The following CNTLN variants were observed in gnomAD, a reference collection of about 807,000 sequenced individuals.
CNTLN encodes the protein centlein, centrosomal protein.
Under a neutral mutation model 180.0 loss-of-function variants are expected in CNTLN, and 212 were observed. That is an observed-to-expected ratio of 1.18 (90% CI 1.05 to 1.32). CNTLN has a LOEUF of 1.32. CNTLN is among the 40% of genes most tolerant of loss of function. CNTLN has a pLI of 0.00. For missense variants in CNTLN, 2,095 were observed against 1,610.9 expected, an observed-to-expected ratio of 1.30 and a Z score of -5.14; for synonymous variants, 722 against 563.1, an observed-to-expected ratio of 1.28 and a Z score of -3.99.
rs1404146002 is a variant in CNTLN at position 17,464,582 on chromosome 9, A to C, written c.3490A>C (p.Asn1164His). Residue 1164 changes from asparagine (N) to histidine (H), a missense_variant, in exon 21 of 26, where the codon AAC (asparagine) becomes CAC (histidine). Transcript: ENST00000380647. Reference protein sequence around the residue: ...KFRQKVNLESNKSFSEMLQNL... With the variant: ...KFRQKVNLESHKSFSEMLQNL... Reference sequence around the variant, plus strand: ...TCGACAGAAAGTAAATTTGGAAAGTAACAAGAGTTTTAGTGAAATGTTACA... The same window carrying C: ...TCGACAGAAAGTAAATTTGGAAAGTCACAAGAGTTTTAGTGAAATGTTACA... The C allele has an allele frequency of 6.0e-6, 9 of 1,509,976 alleles. No individual in the cohort carries two copies. In the Admixed American group the frequency reaches 1.2e-4, roughly 21 times the overall value. 93.5% of individuals were successfully genotyped at this position (1,509,976 alleles called of 1,614,324 possible).
At chr9:17,408,006 A>G (rs1827531508) in intron 15 of CNTLN, among the ~76,000 whole-genome samples, 1 of 151,806 alleles carries the variant, frequency 6.6e-6, no homozygotes, top group Non-Finnish European at 1.5e-5. Context: ...GGGCACCTGT[A>G]ATCCCAGCTA....
chr9:17,302,148 A>G (rs1563976277), intron 7 of CNTLN: 2 of 974,192 alleles, frequency 2.1e-6, no homozygotes, highest in Non-Finnish European at 2.4e-6. Context: ...CTATCCACCC[A>G]GGGAAGACTT....
Position 17,416,102 on chromosome 9 carries a change from T to C in CNTLN, c.3027T>C (p.Val1009=), listed in dbSNP as rs769180489. 1 of 1,613,546 alleles carries C rather than the reference T, an allele frequency of 6.2e-7. No individual in the cohort carries two copies. Among genetic ancestry groups the C allele is most frequent in the South Asian group, 1.1e-5 (1 of 91,048 alleles). Residue 1009 remains valine (V), a synonymous_variant, in exon 18 of 26, where the codon GTT becomes GTC. Transcript: ENST00000380647. ...CCAAGAAAACAGCAGAATTGTCTGTTAAAGAATATAAAGAAGTTAATGAAA... is the reference window on the plus strand; with the variant it reads ...CCAAGAAAACAGCAGAATTGTCTGTCAAAGAATATAAAGAAGTTAATGAAA... ...QNAKKTAELS[V]KEYKEVNEKL... is the part of the protein sequence containing the mutation.
intron 3 of CNTLN, 55 bp from the exon 4 acceptor site, chr9:17,235,603 A>C: frequency 7.3e-7 from 1 of 1,373,554 alleles, no homozygotes. Flanking sequence ...TTAAAATAAA[A>C]TACTGTTTTT....
At chr9:17,194,542 C>T (rs892751420) in intron 2 of CNTLN, among the ~76,000 whole-genome samples, 3 of 152,162 alleles carry the variant, frequency 2.0e-5, no homozygotes, top group East Asian at 1.9e-4. Flanking sequence ...TCATCTCCAT[C>T]GGAGACCACC....
chr9:17,466,385 G>C (rs529581949), intron 22 of CNTLN, among the ~76,000 whole-genome samples: 21 of 151,522 alleles, frequency 1.4e-4, no homozygotes, highest in African/African-American at 5.1e-4. Context: ...TATACAAGTA[G>C]ATCTAAATTT....
chr9:17,266,761 G>C (rs201339595), intron 5 of CNTLN, among the ~76,000 whole-genome samples: 15 of 152,068 alleles, frequency 9.9e-5, no homozygotes, highest in African/African-American at 3.4e-4. Flanking sequence ...GTGAGCTCTT[G>C]TTGTTGAATT....
At chr9:17,197,991 C>G (rs1822244696) in intron 2 of CNTLN, among the ~76,000 whole-genome samples, 1 of 152,072 alleles carries the variant, frequency 6.6e-6, no homozygotes, top group African/African-American at 2.4e-5. Flanking sequence ...ATTGAAGAGA[C>G]TCTCCTTTCC....
Position 17,260,740 on chromosome 9 carries a change from T to G in CNTLN, c.850-12993T>G, listed in dbSNP as rs181149998. Among the ~76,000 whole-genome samples the G allele has an allele frequency of 7.9e-5, 12 of 151,576 alleles. No individual in the cohort carries two copies. In the East Asian group the frequency reaches 1.7e-3, roughly 22 times the overall value. On this transcript the variant is annotated intron_variant, in intron 5 of 25. Transcript: ENST00000380647. Reference sequence around the variant, plus strand: ...TTTTGTTGCAGTTGCTTTTGATGTCTTCATCATAAAATCTTTGCCAGTTCC... The same window carrying G: ...TTTTGTTGCAGTTGCTTTTGATGTCGTCATCATAAAATCTTTGCCAGTTCC...
chr9:17,192,086 C>T (rs965190211), intron 2 of CNTLN, among the ~76,000 whole-genome samples: 9 of 152,070 alleles, frequency 5.9e-5, no homozygotes, highest in Admixed American at 4.6e-4. Context: ...CATAAGTATA[C>T]ATTTGTGATT....
At chr9:17,365,815 A>T (rs1167505594) in intron 12 of CNTLN, among the ~76,000 whole-genome samples, 1 of 152,044 alleles carries the variant, frequency 6.6e-6, no homozygotes, top group African/African-American at 2.4e-5. Context: ...GCATGGTGGC[A>T]CACACCTGTA....
the CNTLN span, among the ~76,000 whole-genome samples, chr9:17,524,637 T>C: frequency 6.6e-6 from 1 of 152,368 alleles, no homozygotes; most frequent in South Asian, 2.1e-4. Context: ...GCTCATAACA[T>C]TGAATGCAGC....
chr9:17,466,811 A>C lies in CNTLN; in HGVS notation c.3775A>C (p.Ser1259Arg), dbSNP rs1168372277. The change falls in exon 23 of 26, where the codon AGT becomes CGT. Residue 1259 changes from serine to arginine, a missense_variant. Transcript: ENST00000380647. ...GCAGCTTCAAGAATTAGCATTGCAA[A>C]GTGAACAGGTCCTAGAAGGTGCACA... ...SKQLQELALQ[S>R]EQVLEGAQKT... The C allele has an allele frequency of 1.9e-6, 3 of 1,611,210 alleles. No individual in the cohort carries two copies. The highest frequency in any genetic ancestry group is 1.3e-5 in the African/African-American group (1 of 74,708).
At chr9:17,207,329 T>C (rs768631587) in intron 2 of CNTLN, among the ~76,000 whole-genome samples, 15 of 152,134 alleles carry the variant, frequency 9.9e-5, no homozygotes, top group Non-Finnish European at 1.9e-4. Flanking sequence ...CCTTGCGCGT[T>C]TCCCACACAG....
intron 12 of CNTLN, among the ~76,000 whole-genome samples, chr9:17,365,423 G>T (rs1823734253): frequency 6.6e-6 from 1 of 152,040 alleles, no homozygotes; most frequent in South Asian, 2.1e-4. Flanking sequence ...GTAGTCTCAG[G>T]AGGTTTTTTT....
At chr9:17,457,811 A>G in intron 19 of CNTLN, 96 bp downstream of exon 19, 1 of 795,154 alleles carries the variant, frequency 1.3e-6, no homozygotes, top group Non-Finnish European at 1.7e-6. Flanking sequence ...ATAAAGGTAA[A>G]TTATGTTATA....
chr9:17,344,200 T>C (rs778368793), intron 12 of CNTLN, among the ~76,000 whole-genome samples: 16 of 152,178 alleles, frequency 1.1e-4, no homozygotes, highest in Non-Finnish European at 2.2e-4. Flanking sequence ...TAATGAGGCC[T>C]TTTTAAAATT....
At chr9:17,148,613 G>T (rs757728774) in intron 2 of CNTLN, among the ~76,000 whole-genome samples, 4 of 152,136 alleles carry the variant, frequency 2.6e-5, no homozygotes, top group Non-Finnish European at 4.4e-5. Flanking sequence ...TTGAAGGACT[G>T]AAGTCATCAA....
At chr9:17,308,284 TTAA>T (rs1818874063) in intron 7 of CNTLN, among the ~76,000 whole-genome samples, 1 of 152,294 alleles carries the variant, frequency 6.6e-6, no homozygotes, top group African/African-American at 2.4e-5. Flanking sequence ...TTTAAAGTTA[TTAA>T]TAAGTCTTCA....
Sources: allele counts gnomAD v4.1 joint callset (sites outside exome capture counted in the v4.1 genomes callset), GRCh38; gene constraint gnomAD v4.1.1; transcripts MANE v1.5; gene names NCBI Gene and HGNC (gene_info 2026-07-23, HGNC 2026-07-21).